Variants in EPHA3 observed in about 807,000 individuals in gnomAD.
The protein encoded by EPHA3 is EPH receptor A3.
A neutral mutation model predicts 107.1 loss-of-function variants in EPHA3; 42 were observed. The observed-to-expected ratio is 0.39, with a 90% CI of 0.31 to 0.51. The LOEUF (loss-of-function observed/expected upper bound fraction) is 0.51, where lower values mean the gene tolerates loss of function less well. Among genes scored for constraint, EPHA3 ranks in the 20% least tolerant of loss-of-function variants. The probability of loss-of-function intolerance (pLI) is 0.78; values close to 1 mark genes in which losing one functional copy is unlikely to be tolerated. For missense variants in EPHA3, 1,183 were observed against 1,211.2 expected, an observed-to-expected ratio of 0.98 and a Z score of 0.35; for synonymous variants, 461 against 424.8, an observed-to-expected ratio of 1.09 and a Z score of -1.05.
intron 3 of EPHA3, among the ~76,000 whole-genome samples, chr3:89,237,981 G>GAAA (rs1189913937): frequency 1.8e-5 from 2 of 110,314 alleles, no homozygotes; most frequent in African/African-American, 3.4e-5. Context: ...CATGTCTCAG[G>GAAA]AAAAAAAAAA....
At chr3:89,317,164 G>T (rs565250716) in intron 3 of EPHA3, among the ~76,000 whole-genome samples, 1 of 151,876 alleles carries the variant, frequency 6.6e-6, no homozygotes, top group East Asian at 1.9e-4. Context: ...GATATCAAAT[G>T]ATGGTTATAG....
intron 2 of EPHA3, among the ~76,000 whole-genome samples, chr3:89,153,848 C>A (rs1412979580): frequency 6.6e-6 from 1 of 152,004 alleles, no homozygotes; most frequent in East Asian, 1.9e-4. Flanking sequence ...CTCAGAATGA[C>A]CTGCAAGGCT....
At chr3:89,184,197 C>A (rs1177790301) in intron 2 of EPHA3, among the ~76,000 whole-genome samples, 6 of 151,890 alleles carry the variant, frequency 4.0e-5, no homozygotes, top group African/African-American at 1.4e-4. Context: ...GAAACCAGTT[C>A]CCCTAAGGGA....
chr3:89,421,860 C>G (rs1279527948), intron 11 of EPHA3, among the ~76,000 whole-genome samples: 1 of 151,036 alleles, frequency 6.6e-6, no homozygotes, highest in Non-Finnish European at 1.5e-5. Flanking sequence ...GAAAAATGCA[C>G]TAAAATGACT....
chr3:89,145,882 T>G (rs1365255043), intron 2 of EPHA3, among the ~76,000 whole-genome samples: 1 of 151,814 alleles, frequency 6.6e-6, no homozygotes, highest in Non-Finnish European at 1.5e-5. Flanking sequence ...TATCTTTGGC[T>G]TTAAAATAAG....
At chr3:89,295,433 C>T (rs1187883055) in intron 3 of EPHA3, among the ~76,000 whole-genome samples, 2 of 152,110 alleles carry the variant, frequency 1.3e-5, no homozygotes, top group African/African-American at 2.4e-5. Context: ...TTCACTGCAT[C>T]TTTCACGAAA....
chr3:89,437,943 A>G (rs1313754099), intron 13 of EPHA3, among the ~76,000 whole-genome samples: 2 of 152,048 alleles, frequency 1.3e-5, no homozygotes, highest in African/African-American at 4.8e-5. Flanking sequence ...TTTCATTTCT[A>G]TTCTGAAGTT....
chr3:89,144,094 C>G (rs1468516633), intron 2 of EPHA3, among the ~76,000 whole-genome samples: 1 of 151,570 alleles, frequency 6.6e-6, no homozygotes, highest in African/African-American at 2.4e-5. Flanking sequence ...AACTTAAGTA[C>G]GTAGTCTGCA....
intron 5 of EPHA3, among the ~76,000 whole-genome samples, chr3:89,352,863 A>G (rs1707860476): frequency 3.5e-5 from 5 of 142,374 alleles, no homozygotes. Flanking sequence ...AGATGGCACC[A>G]TTGCACTCCA....
At chr3:89,217,294 T>C (rs1468248500) in intron 3 of EPHA3, among the ~76,000 whole-genome samples, 1 of 152,204 alleles carries the variant, frequency 6.6e-6, no homozygotes, top group East Asian at 1.9e-4. Flanking sequence ...ATATGCTCTT[T>C]TTTTGTAGCT....
At chr3:89,272,142 T>G (rs558204689) in intron 3 of EPHA3, among the ~76,000 whole-genome samples, 6 of 152,048 alleles carry the variant, frequency 3.9e-5, no homozygotes, top group African/African-American at 1.4e-4. Flanking sequence ...TGGTCAACAG[T>G]AGGCTATTAG....
intron 3 of EPHA3, among the ~76,000 whole-genome samples, chr3:89,325,291 C>T (rs1224115738): frequency 6.6e-6 from 1 of 152,132 alleles, no homozygotes; most frequent in Non-Finnish European, 1.5e-5. Context: ...TGTCCATAAT[C>T]ACTTCTCTAC....
rs2106931907 is a variant in EPHA3, at chr3:89,107,719, G to A, written c.-30G>A. 1 of 1,594,956 alleles carries A rather than the reference G, an allele frequency of 6.3e-7. No homozygotes were observed. The highest frequency in any genetic ancestry group is 8.6e-7 in the Non-Finnish European group (1 of 1,162,806). On this transcript the variant is annotated 5_prime_UTR_variant, in exon 1 of 17. An upstream start codon of the reference 5' UTR is lost. Coordinates refer to ENST00000336596, the MANE Select transcript of EPHA3 (RefSeq NM_005233.6). ...TCAGTGGCATGCTTCATGGAGATATGCTCCTCTCACTGCCCTCTGCACCAG... is the reference window on the plus strand; with the variant it reads ...TCAGTGGCATGCTTCATGGAGATATACTCCTCTCACTGCCCTCTGCACCAG...
At chr3:89,344,476 G>A (rs1707598222) in intron 5 of EPHA3, among the ~76,000 whole-genome samples, 1 of 152,148 alleles carries the variant, frequency 6.6e-6, no homozygotes, top group African/African-American at 2.4e-5. Context: ...GTATCATTTT[G>A]TGTGCCTGGG....
At chr3:89,454,987 T>A (rs888500738) in intron 15 of EPHA3, among the ~76,000 whole-genome samples, 2 of 152,132 alleles carry the variant, frequency 1.3e-5, no homozygotes, top group African/African-American at 2.4e-5. Context: ...AGCAAGACAC[T>A]GTCTCTTGAA....
At chr3:89,275,839 G>C (rs1406738899) in intron 3 of EPHA3, among the ~76,000 whole-genome samples, 1 of 152,068 alleles carries the variant, frequency 6.6e-6, no homozygotes, top group Non-Finnish European at 1.5e-5. Context: ...TACGAACTTT[G>C]CTGAGAGCTG....
In EPHA3 at chr3:89,402,133, A is replaced by G. The variant is rs142555964; in HGVS notation, c.1594+2653A>G. ...TGATAAGTAAATTTGCAAAAACAAT[A>G]TATTTTAAAATTGTAATGTAATTCC... On this transcript the variant is annotated intron_variant, in intron 7 of 16. Coordinates refer to ENST00000336596, the MANE Select transcript of EPHA3 (RefSeq NM_005233.6). Among the ~76,000 whole-genome samples, 376 of 152,328 alleles carry G rather than the reference A, an allele frequency of 2.5e-3. 3 individuals are homozygous for G. The highest frequency in any genetic ancestry group is 8.8e-3 in the African/African-American group (364 of 41,564).
At chr3:89,471,902 A>G (rs1036045409) in intron 15 of EPHA3, among the ~76,000 whole-genome samples, 1 of 144,728 alleles carries the variant, frequency 6.9e-6, no homozygotes, top group Non-Finnish European at 1.6e-5. Context: ...TCAGTCATCT[A>G]CTTTTTTCTA....
chr3:89,175,724 A>T (rs550426297), intron 2 of EPHA3, among the ~76,000 whole-genome samples: 1 of 152,268 alleles, frequency 6.6e-6, no homozygotes, highest in East Asian at 1.9e-4. Flanking sequence ...AATACTTCCT[A>T]AAAGGACGGG....
Sources: allele counts gnomAD v4.1 joint callset (sites outside exome capture counted in the v4.1 genomes callset), GRCh38; gene constraint gnomAD v4.1.1; transcripts MANE v1.5; gene names NCBI Gene and HGNC (gene_info 2026-07-23, HGNC 2026-07-21).